TCF20: variants seen among roughly 807,000 people sequenced by gnomAD.
TCF20 encodes transcription factor 20.
In TCF20, 3 loss-of-function variants were observed where a neutral mutation model predicts 148.6. The ratio of observed to expected loss-of-function variants is 0.02; its 90% CI spans 0.01 to 0.05. TCF20 has a LOEUF of 0.05. Ranked by LOEUF, TCF20 falls within the 10% of genes least tolerant of loss-of-function variation. The pLI is 1.00. For synonymous variants in TCF20, 1,049 were observed against 909.5 expected, an observed-to-expected ratio of 1.15 and a Z score of -2.76; for missense variants, 2,350 against 2,429.3, an observed-to-expected ratio of 0.97 and a Z score of 0.69.
chr22:42,239,936 A>G lies in TCF20; in HGVS notation c.-36-24595T>C, dbSNP rs567404095. 9.8e-5 allele frequency among the ~76,000 whole-genome samples: 15 copies of G among 152,330 alleles called. No individual in the cohort carries two copies. The South Asian group carries it at 3.1e-3, about 32-fold the overall frequency. ...CTTGCTCAATGCAGGGTTGCAATAA[A>G]CCTTCAATTTATAAAACAAAAAAAT... On this transcript the variant is annotated intron_variant, in intron 1 of 5. Transcript: ENST00000677622.
At position 42,210,938 on chromosome 22, in the gene TCF20, G is replaced by A. The variant is rs764607943; in HGVS notation, c.4368C>T (p.Ala1456=). 1.6e-5 allele frequency: 26 copies of A among 1,613,910 alleles called. No individual in the cohort carries two copies. The highest frequency in any genetic ancestry group is 1.6e-4 in the African/African-American group (12 of 74,836). The change falls in exon 2 of 6, where the codon GCC becomes GCT. Residue 1456 remains alanine, a synonymous_variant. Transcript: ENST00000677622. This position sits in a 1 kb window ranked among gnomAD's most constrained non-coding sequence, Gnocchi z 4.7. ...TCATGGCACCAGGGGGTTCCTTTCC[G>A]GCAGTAACTGTTTCTGCATGTGTCT... ...KTETHAETVT[A]GKEPPGAMTS... is the part of the protein sequence containing the mutation.
chr22:42,224,796 C>G (rs115117376), intron 1 of TCF20, among the ~76,000 whole-genome samples: 1 of 152,062 alleles, frequency 6.6e-6, no homozygotes, highest in East Asian at 1.9e-4. Context: ...TACATAGTAT[C>G]AGATGAAAAG....
chr22:42,179,576 T>A, intron 3 of TCF20, 33 bp downstream of exon 3: 1 of 1,460,574 alleles, frequency 6.8e-7, no homozygotes, highest in South Asian at 1.1e-5. Context: ...ATCCTTTGGA[T>A]GCTCTGGACA....
At chr22:42,172,041 G>A (rs1230117061) in intron 3 of TCF20, among the ~76,000 whole-genome samples, 1 of 152,208 alleles carries the variant, frequency 6.6e-6, no homozygotes, top group African/African-American at 2.4e-5. Flanking sequence ...ATGAATGCAC[G>A]CTAACGACAA....
rs1238444687 is a variant in TCF20, at chr22:42,328,814, A to G, written c.-37+14665T>C. ...CTAAAGCTTGCCCCAGACGGGGGGG[A>G]AAGCCCCCACCCCAGGTCTTAGCCA... On this transcript the variant is annotated intron_variant, in intron 1 of 1. Coordinates refer to the TCF20 transcript ENST00000515426. 1.3e-5 allele frequency among the ~76,000 whole-genome samples: 2 copies of G among 152,136 alleles called. 1 individual carries two copies. The highest frequency in any genetic ancestry group is 4.1e-4 in the South Asian group (2 of 4,822).
At chr22:42,171,341 C>A (rs571325954) in intron 3 of TCF20, among the ~76,000 whole-genome samples, 2 of 152,290 alleles carry the variant, frequency 1.3e-5, no homozygotes, top group Admixed American at 1.3e-4. Context: ...AAACTGAGAT[C>A]CAGACTAGCA....
chr22:42,160,650 A>T lies in TCF20; in HGVS notation c.*753T>A, dbSNP rs144054744. 1 of 152,498 alleles carries T rather than the reference A, an allele frequency of 6.6e-6. No homozygotes were observed. The highest frequency in any genetic ancestry group is 1.5e-5 in the Non-Finnish European group (1 of 68,032). The allele number at this position is 152,498 out of a possible 1,614,324, so 9.4% of individuals were successfully genotyped here. On this transcript the variant is annotated 3_prime_UTR_variant, in exon 6 of 6. Coordinates refer to ENST00000677622, the MANE Select transcript of TCF20 (RefSeq NM_001378418.1). ...CCAAAAAGAAAAAATTAAAAAAAAAAAACCATAAATAAATAGTGTTTCTGG... is the reference window on the plus strand; with the variant it reads ...CCAAAAAGAAAAAATTAAAAAAAAATAACCATAAATAAATAGTGTTTCTGG...
intron 1 of TCF20, among the ~76,000 whole-genome samples, chr22:42,234,861 C>T (rs1051089828): frequency 1.4e-4 from 22 of 152,104 alleles, no homozygotes; most frequent in Middle Eastern, 3.4e-3. Flanking sequence ...AACTTTGTGC[C>T]GGGTGCAGTG....
intron 1 of TCF20, among the ~76,000 whole-genome samples, chr22:42,327,021 G>GATC (rs1927887357): frequency 6.6e-6 from 1 of 152,224 alleles, no homozygotes; most frequent in Non-Finnish European, 1.5e-5. Flanking sequence ...GAAGAGGAAC[G>GATC]ATCACGTATT....
intron 1 of TCF20, among the ~76,000 whole-genome samples, chr22:42,321,581 C>G (rs1258104470): frequency 1.3e-5 from 2 of 151,858 alleles, no homozygotes; most frequent in Non-Finnish European, 1.5e-5. Flanking sequence ...ACCCCAACTC[C>G]ACGCTCAGGA....
chr22:42,239,444 C>G (rs957239594), intron 1 of TCF20, among the ~76,000 whole-genome samples: 2 of 150,968 alleles, frequency 1.3e-5, no homozygotes, highest in Admixed American at 6.6e-5. Flanking sequence ...CCATTGCACT[C>G]CAGCCTGGGG....
chr22:42,180,936 C>T (rs909620740), intron 2 of TCF20, among the ~76,000 whole-genome samples: 2 of 152,228 alleles, frequency 1.3e-5, no homozygotes, highest in African/African-American at 4.8e-5. Context: ...GCCCTGCTCT[C>T]AGAAGATCAA....
intron 2 of TCF20, among the ~76,000 whole-genome samples, chr22:42,184,837 C>G (rs1936970111): frequency 6.6e-6 from 1 of 152,132 alleles, no homozygotes; most frequent in Admixed American, 6.5e-5. Flanking sequence ...ATACTCTAAA[C>G]TTGGGAAATA....
intron 1 of TCF20, among the ~76,000 whole-genome samples, chr22:42,333,192 T>C (rs1928007990): frequency 6.6e-6 from 1 of 152,214 alleles, no homozygotes; most frequent in African/African-American, 2.4e-5. Flanking sequence ...ACCCAGTCTG[T>C]GTGCAGTGGC....
chr22:42,291,959 C>T (rs1245161700), intron 1 of TCF20, among the ~76,000 whole-genome samples: 1 of 152,100 alleles, frequency 6.6e-6, no homozygotes. Flanking sequence ...GAAGGTCAGG[C>T]CCCTGGCTCC....
chr22:42,272,434 G>A (rs1926658233), upstream of TCF20, among the ~76,000 whole-genome samples: 1 of 152,126 alleles, frequency 6.6e-6, no homozygotes, highest in Non-Finnish European at 1.5e-5. Context: ...AGAGTCCCCT[G>A]CCCCATCATT....
intron 2 of TCF20, among the ~76,000 whole-genome samples, chr22:42,199,732 A>T (rs1029842929): frequency 3.1e-4 from 47 of 149,700 alleles, no homozygotes; most frequent in Non-Finnish European, 1.2e-4. Context: ...AAAAAAAAAA[A>T]AAAAATTAGC....
rs552974395 is a variant in TCF20 at position 42,244,261 on chromosome 22, G to A, written c.-37+26078C>T. Among the ~76,000 whole-genome samples the A allele has an allele frequency of 1.2e-4, 18 of 152,228 alleles. No homozygotes were observed. The South Asian group carries it at 1.2e-3, about 11-fold the overall frequency. ...CAAAAAGTTGAATACAGAATTACAC[G>A]ATCCAGCAACTCCATTCCTAGGTAT... On this transcript the variant is annotated intron_variant, in intron 1 of 5. Transcript: ENST00000677622.
chr22:42,243,310 A>AAAAAAAAAAAAAAAACAAAAC (rs1569180401), intron 1 of TCF20, among the ~76,000 whole-genome samples: 1 of 140,864 alleles, frequency 7.1e-6, no homozygotes, highest in African/African-American at 3.0e-5. Context: ...AAAAAAAAAA[A>AAAAAAAAAAAAAAAACAAAAC]AAAAAAAAAA....
Sources: gnomAD v4.1 joint callset for allele counts (sites outside exome capture counted in the v4.1 genomes callset) on GRCh38, gnomAD v4.1.1 for gene constraint, Gnocchi (gnomAD v3.1) non-coding constraint, MANE v1.5 for transcripts, NCBI Gene and HGNC (gene_info 2026-07-23, HGNC 2026-07-21) for gene names.